The following FHIP2B variants were observed in gnomAD, a reference collection of about 807,000 sequenced individuals.
FHIP2B encodes the protein FHF complex subunit HOOK-interacting protein 2B.
In FHIP2B, 72 loss-of-function variants were observed where a neutral mutation model predicts 84.0. The observed-to-expected ratio is 0.86, with a 90% CI of 0.71 to 1.04. FHIP2B has a LOEUF of 1.04. Among genes scored for constraint, FHIP2B ranks in the 50% least tolerant of loss-of-function variants. The pLI, the probability that FHIP2B is intolerant of heterozygous loss-of-function variation, is 0.00. For synonymous variants in FHIP2B, 497 were observed against 418.7 expected (o/e 1.19, Z -2.28); for missense variants, 972 against 968.9 (o/e 1.00, Z -0.04).
In FHIP2B at chr8:22,098,945, CAGGTT is replaced by C. The variant is rs766163521; in HGVS notation, c.966-1_969del. On this transcript the variant is annotated splice_acceptor_variant and coding_sequence_variant, in exon 8 of 17. Transcript: ENST00000289921. LOFTEE classifies it high-confidence loss of function. ...CTGAGACTTCACTCCCCTCTTCCTT[CAGGTT>C]ACCCAGTGCCCCGTCTGATGAGGCT... 31 of 1,598,614 alleles carry C rather than the reference CAGGTT, an allele frequency of 1.9e-5. No homozygotes were observed. The highest frequency in any genetic ancestry group is 1.6e-5 in the Non-Finnish European group (19 of 1,171,466).
chr8:22,099,467 A>C, intron 9 of FHIP2B, 107 bp downstream of exon 9: 1 of 1,258,182 alleles, frequency 7.9e-7, no homozygotes, highest in Non-Finnish European at 1.1e-6. Flanking sequence ...CCAGAATCCC[A>C]TTTGTGGACC....
At chr8:22,099,433 C>A in intron 9 of FHIP2B, 73 bp downstream of exon 9, 1 of 1,481,644 alleles carries the variant, frequency 6.7e-7, no homozygotes, top group Non-Finnish European at 9.2e-7. Context: ...CTCGTCCTGT[C>A]CCTAAGGCCA....
At chr8:22,099,160 C>T (rs369793051) in intron 8 of FHIP2B, 104 bp downstream of exon 8, 66 of 1,494,828 alleles carry the variant, frequency 4.4e-5, no homozygotes, top group East Asian at 3.2e-4. Flanking sequence ...GGTCCAGGAG[C>T]TAAGCGGGGC....
chr8:22,099,752 G>A lies in FHIP2B; in HGVS notation c.1200G>A (p.Leu400=), dbSNP rs777194178. The A allele has an allele frequency of 6.2e-7, 1 of 1,607,458 alleles. No homozygotes were observed. Among genetic ancestry groups the A allele is most frequent in the South Asian group, 1.1e-5 (1 of 90,712 alleles). Residue 400 remains leucine, a synonymous_variant, in exon 10 of 17, where the codon CTG becomes CTA. Coordinates refer to ENST00000289921, the MANE Select transcript of FHIP2B (RefSeq NM_022749.7). ...LTSTALLTAM[L]RQLRSPALLR... ...CCACCGCCCTCCTCACAGCCATGCT[G>A]CGCCAGCTTCGCTCCCCTGCGCTGC...
chr8:22,098,151 C>T lies in FHIP2B; in HGVS notation c.609C>T (p.Asp203=). ...PKDTTSHGDK[D]CSHDGAPARP... ...ACACAACCAGCCACGGGGACAAGGA[C>T]TGCTCCCACGATGGTGCTCCTGCCA... Residue 203 remains aspartate (D), a synonymous_variant, in exon 6 of 17, where the codon GAC becomes GAT. Transcript: ENST00000289921. 1 of 1,577,612 alleles carries T rather than the reference C, an allele frequency of 6.3e-7. No individual in the cohort carries two copies. The highest frequency in any genetic ancestry group is 8.6e-7 in the Non-Finnish European group (1 of 1,162,126).
intron 13 of FHIP2B, 55 bp downstream of exon 13, chr8:22,101,585 A>G (rs1826116767): frequency 1.9e-6 from 3 of 1,578,156 alleles, no homozygotes; most frequent in Admixed American, 1.8e-5. Context: ...CAGCTGGGTC[A>G]TAAGCTCTGG....
chr8:22,098,367 G>C, intron 6 of FHIP2B, 56 bp from the exon 7 acceptor site: 1 of 1,546,024 alleles, frequency 6.5e-7, no homozygotes, highest in Non-Finnish European at 8.8e-7. Context: ...TTGACGGCTG[G>C]GGGGTGATTT....
At position 22,096,288 on chromosome 8, in the gene FHIP2B, G is replaced by A. The variant is rs772044211; in HGVS notation, c.125-49G>A. The A allele has an allele frequency of 5.7e-5, 83 of 1,454,146 alleles. 1 individual carries two copies. In the South Asian group the frequency reaches 9.8e-4, roughly 17 times the overall value. 90.1% of individuals were successfully genotyped at this position (1,454,146 alleles called of 1,614,324 possible). ...CAGGAGAGGGTGAAGTTTTCAAGCC[G>A]GGGTGCCCCTCTTTACCCTACTCAC... is the stretch of plus-strand genomic sequence containing the variant. On this transcript the variant is annotated intron_variant, in intron 2 of 16. Coordinates refer to ENST00000289921, the MANE Select transcript of FHIP2B (RefSeq NM_022749.7).
chr8:22,094,317 G>T, intron 1 of FHIP2B, 123 bp from the exon 2 acceptor site: 1 of 834,174 alleles, frequency 1.2e-6, no homozygotes. Flanking sequence ...AAGCCAGGGA[G>T]CAGGGTGCCT....
chr8:22,099,675 G>T, intron 9 of FHIP2B, 29 bp from the exon 10 acceptor site: 1 of 1,544,956 alleles, frequency 6.5e-7, no homozygotes. Flanking sequence ...GCACACACCG[G>T]GCCTGGCTAA....
At chr8:22,094,876 G>C in intron 2 of FHIP2B, 1 of 1,103,874 alleles carries the variant, frequency 9.1e-7, no homozygotes, top group Non-Finnish European at 1.1e-6. Context: ...AGGATTTAAT[G>C]ATCAAAAGAA....
chr8:22,094,413 C>T (rs766762370), intron 1 of FHIP2B, 27 bp from the exon 2 acceptor site: 2 of 1,577,592 alleles, frequency 1.3e-6, no homozygotes, highest in East Asian at 2.4e-5. Flanking sequence ...GTGGCCCCCA[C>T]TGAGGTTGTG....
intron 10 of FHIP2B, chr8:22,100,107 C>G: frequency 1.9e-6 from 1 of 538,558 alleles, no homozygotes; most frequent in Non-Finnish European, 3.2e-6. Context: ...TGCTCTATCA[C>G]CCAGGCCCTG....
rs1825857462 is a variant in FHIP2B, at chr8:22,097,748, G to C, written c.434G>C (p.Gly145Ala). The stretch of plus-strand genomic sequence containing the variant: ...CTCCGACTTGGTGGGACTGCTTCCG[G>C]ATCCGTTACAGAAAAGGAGGAGGTG... The part of the protein sequence containing the change: ...KLLRLGGTAS[G>A]SVTEKEEVQF... The change falls in exon 5 of 17, where the codon GGA (glycine) becomes GCA (alanine). Residue 145 changes from glycine to alanine, a missense_variant. Transcript: ENST00000289921. 6.2e-7 allele frequency: 1 copy of C among 1,613,350 alleles called. No homozygotes were observed. The highest frequency in any genetic ancestry group is 8.5e-7 in the Non-Finnish European group (1 of 1,179,798).
intron 10 of FHIP2B, 24 bp downstream of exon 10, chr8:22,099,917 T>G (rs1464918113): frequency 1.3e-6 from 2 of 1,575,192 alleles, no homozygotes; most frequent in Admixed American, 2.0e-5. Flanking sequence ...CCTCCATCTC[T>G]GTTCCTCTCA....
intron 1 of FHIP2B, among the ~76,000 whole-genome samples, chr8:22,091,116 G>A (rs1252444719): frequency 6.6e-6 from 1 of 152,148 alleles, no homozygotes; most frequent in Non-Finnish European, 1.5e-5. Context: ...CAGGTCGCCA[G>A]TCTAGGTCTT....
rs1356043193 is a variant in FHIP2B, at chr8:22,099,138, A to G, written c.1074+82A>G. On this transcript the variant is annotated intron_variant, in intron 8 of 16. Transcript: ENST00000289921. Reference sequence around the variant, plus strand: ...CTCGAGGACCAAGTGGAGCAGGGACATGGAAACATGGGGTCCAGGAGCTAA... The same window carrying G: ...CTCGAGGACCAAGTGGAGCAGGGACGTGGAAACATGGGGTCCAGGAGCTAA... 2.7e-6 allele frequency: 4 copies of G among 1,496,438 alleles called. No homozygotes were observed. In the African/African-American group the frequency reaches 4.2e-5, roughly 16 times the overall value. 92.7% of individuals were successfully genotyped at this position (1,496,438 alleles called of 1,614,324 possible). A position where few individuals can be genotyped will look rare whatever the true frequency, so the allele number is the denominator to read the frequency against.
intron 1 of FHIP2B, chr8:22,089,679 T>A: frequency 1.0e-6 from 1 of 960,854 alleles, no homozygotes; most frequent in Non-Finnish European, 1.4e-6. Context: ...CCGGTGGGCC[T>A]GCCTCCTTCC....
chr8:22,089,161 C>T lies in FHIP2B; in HGVS notation c.-93C>T. The T allele has an allele frequency of 3.6e-6, 3 of 831,132 alleles. No individual in the cohort carries two copies. The highest frequency in any genetic ancestry group is 1.1e-4 in the South Asian group (2 of 18,202). 51.5% of individuals were successfully genotyped at this position (831,132 alleles called of 1,614,324 possible). ...AGCGGCCGGGCCCCGCCCCCCTCGT[C>T]GCGCCGGGGCCGCCGGGGCCACGGG... On this transcript the variant is annotated 5_prime_UTR_variant, in exon 1 of 17. Transcript: ENST00000289921.
Sources: allele counts gnomAD v4.1 joint callset (sites outside exome capture counted in the v4.1 genomes callset), GRCh38; gene constraint gnomAD v4.1.1; transcripts MANE v1.5; gene names NCBI Gene and HGNC (gene_info 2026-07-23, HGNC 2026-07-21).